LGR5: variants seen among roughly 807,000 people sequenced by gnomAD.
The protein encoded by LGR5 is leucine rich repeat containing G protein-coupled receptor 5.
Under a neutral mutation model 76.7 loss-of-function variants are expected in LGR5, and 54 were observed. That is an observed-to-expected ratio of 0.70 (90% CI 0.57 to 0.88). The LOEUF is 0.88. LGR5 is among the 40% of genes least tolerant of loss of function. LGR5 has a pLI of 0.00. For missense variants in LGR5, 1,078 were observed against 1,073.3 expected (o/e 1.00, Z -0.06); for synonymous variants, 406 against 421.9 (o/e 0.96, Z 0.46).
chr12:71,532,795 GA>G (rs894443470), intron 3 of LGR5, among the ~76,000 whole-genome samples: 1 of 147,102 alleles, frequency 6.8e-6, no homozygotes, highest in Non-Finnish European at 1.5e-5. Context: ...TTCAAATGAA[GA>G]TTTTTTTTTT....
intron 1 of LGR5, among the ~76,000 whole-genome samples, chr12:71,467,682 G>A (rs1872920285): frequency 6.6e-6 from 1 of 152,082 alleles, no homozygotes; most frequent in East Asian, 1.9e-4. Flanking sequence ...TATTTTCAGT[G>A]GACAAACAAT....
chr12:71,555,137 A>C (rs547849875), intron 5 of LGR5, among the ~76,000 whole-genome samples: 1 of 152,248 alleles, frequency 6.6e-6, no homozygotes, highest in African/African-American at 2.4e-5. Flanking sequence ...TATTACATAA[A>C]TCTCACCTAA....
At chr12:71,456,914 C>T (rs1034831103) in intron 1 of LGR5, among the ~76,000 whole-genome samples, 6 of 151,972 alleles carry the variant, frequency 3.9e-5, no homozygotes, top group South Asian at 2.1e-4. Flanking sequence ...TCTTGGGTAA[C>T]GTAACTCCCT....
chr12:71,506,999 T>C (rs1874890171), intron 2 of LGR5, among the ~76,000 whole-genome samples: 1 of 152,182 alleles, frequency 6.6e-6, no homozygotes, highest in Admixed American at 6.5e-5. Context: ...TTTTAGGCTA[T>C]ACAATCTTCA....
intron 1 of LGR5, among the ~76,000 whole-genome samples, chr12:71,454,127 T>C (rs1247791073): frequency 6.6e-6 from 1 of 152,280 alleles, no homozygotes; most frequent in Non-Finnish European, 1.5e-5. Flanking sequence ...TATTATTGTC[T>C]CTGCAGATGT....
At chr12:71,512,342 A>G (rs1875198549) in intron 2 of LGR5, among the ~76,000 whole-genome samples, 1 of 152,216 alleles carries the variant, frequency 6.6e-6, no homozygotes, top group Non-Finnish European at 1.5e-5. Flanking sequence ...TCTGTCAACA[A>G]TTAATGAATT....
chr12:71,493,785 T>C (rs1209198008), intron 1 of LGR5, among the ~76,000 whole-genome samples: 2 of 148,804 alleles, frequency 1.3e-5, no homozygotes, highest in Non-Finnish European at 3.0e-5. Context: ...TTTTTTTTTT[T>C]CGAGACAGGG....
intron 1 of LGR5, among the ~76,000 whole-genome samples, chr12:71,490,828 TG>T (rs1448145538): frequency 6.6e-6 from 1 of 152,184 alleles, no homozygotes; most frequent in African/African-American, 2.4e-5. Flanking sequence ...TGAAGGCTGT[TG>T]TAAGGCCAGT....
chr12:71,566,640 A>C lies in LGR5; in HGVS notation c.938A>C (p.Asn313Thr). 2 of 1,612,694 alleles carry C rather than the reference A, an allele frequency of 1.2e-6. No homozygotes were observed. Among genetic ancestry groups the C allele is most frequent in the Non-Finnish European group, 8.5e-7 (1 of 1,178,798 alleles). Residue 313 changes from asparagine (N) to threonine (T), a missense_variant, in exon 10 of 18, where the codon AAT (asparagine) becomes ACT (threonine). Transcript: ENST00000266674. The part of the protein sequence containing the change: ...HLPELRTLTL[N>T]GASQITEFPD... ...TATACTCCTCTTTCTAGGACTCTGA[A>C]TGGTGCCTCACAAATAACTGAATTT...
At chr12:71,559,811 A>C (rs989632559) in intron 7 of LGR5, among the ~76,000 whole-genome samples, 157 bp downstream of exon 7, 2 of 152,182 alleles carry the variant, frequency 1.3e-5, no homozygotes, top group East Asian at 3.8e-4. Context: ...AATTGATTCT[A>C]TCTCTAGCAA....
chr12:71,561,719 G>T (rs1252376435), intron 7 of LGR5, 62 bp from the exon 8 acceptor site: 2 of 890,950 alleles, frequency 2.2e-6, no homozygotes, highest in East Asian at 5.3e-5. Context: ...GTCAGGGTGG[G>T]GGCCTCTATT....
In LGR5 at chr12:71,585,041, C is replaced by T. The variant is rs1223917949; in HGVS notation, c.*307C>T. 2 of 267,884 alleles carry T rather than the reference C, an allele frequency of 7.5e-6. No homozygotes were observed. The highest frequency in any genetic ancestry group is 7.2e-5 in the East Asian group (1 of 13,846). The allele number at this position is 267,884 out of a possible 1,614,324, so 16.6% of individuals were successfully genotyped here. A position where few individuals can be genotyped will look rare whatever the true frequency, so the allele number is the denominator to read the frequency against. The stretch of plus-strand genomic sequence containing the variant: ...GATTCTCCATGATTTGAATTGCATT[C>T]TCTTTAAACTCACCAATGTAATCAT... On this transcript the variant is annotated 3_prime_UTR_variant, in exon 18 of 18. Coordinates refer to ENST00000266674, the MANE Select transcript of LGR5 (RefSeq NM_003667.4).
chr12:71,474,109 CG>C (rs1295570443), intron 1 of LGR5, among the ~76,000 whole-genome samples: 3 of 150,822 alleles, frequency 2.0e-5, no homozygotes, highest in African/African-American at 7.3e-5. Context: ...TTTGAATGTA[CG>C]TTGAATATAT....
chr12:71,541,450 T>C (rs756638951), intron 4 of LGR5, among the ~76,000 whole-genome samples: 1 of 152,186 alleles, frequency 6.6e-6, no homozygotes, highest in African/African-American at 2.4e-5. Flanking sequence ...AGGTTAACTT[T>C]GGAAAGTAGA....
At chr12:71,537,061 G>T (rs1401377552) in intron 4 of LGR5, among the ~76,000 whole-genome samples, 1 of 152,024 alleles carries the variant, frequency 6.6e-6, no homozygotes, top group African/African-American at 2.4e-5. Context: ...TTTGTCAGGG[G>T]CCCCTTTGTC....
intron 1 of LGR5, among the ~76,000 whole-genome samples, chr12:71,444,945 T>C (rs747535338): frequency 2.0e-5 from 3 of 152,146 alleles, no homozygotes; most frequent in Non-Finnish European, 2.9e-5. Flanking sequence ...TAGCAAAGCA[T>C]TTTTTTATAT....
chr12:71,486,873 G>A (rs192552201), intron 1 of LGR5, among the ~76,000 whole-genome samples: 6 of 151,918 alleles, frequency 3.9e-5, no homozygotes, highest in East Asian at 1.9e-4. Context: ...ATTTGAAAAC[G>A]CCTTTGTATG....
At chr12:71,476,226 T>C (rs1259783137) in intron 1 of LGR5, among the ~76,000 whole-genome samples, 1 of 152,210 alleles carries the variant, frequency 6.6e-6, no homozygotes, top group Non-Finnish European at 1.5e-5. Flanking sequence ...GAAAAAGGGC[T>C]ACTGAAATCC....
intron 13 of LGR5, among the ~76,000 whole-genome samples, chr12:71,577,589 G>A (rs111928276): frequency 6.6e-6 from 1 of 152,180 alleles, no homozygotes; most frequent in Non-Finnish European, 1.5e-5. Flanking sequence ...AGACTCAGAA[G>A]TTTCTGTCCC....
Sources: gnomAD v4.1 joint callset for allele counts (sites outside exome capture counted in the v4.1 genomes callset) on GRCh38, gnomAD v4.1.1 for gene constraint, MANE v1.5 for transcripts, NCBI Gene and HGNC (gene_info 2026-07-23, HGNC 2026-07-21) for gene names.